The following TMEM243 variants were observed in gnomAD, a reference collection of about 807,000 sequenced individuals.
The protein encoded by TMEM243 is MDR1 and mitochondrial taxol resistance associated.
Under a neutral mutation model 15.0 loss-of-function variants are expected in TMEM243, and 20 were observed. That is an observed-to-expected ratio of 1.33 (90% CI 0.94 to 1.93). The LOEUF is 1.93. Among genes scored for constraint, TMEM243 ranks in the 30% most tolerant of loss-of-function variants. TMEM243 has a pLI of 0.00. For synonymous variants in TMEM243, 72 were observed against 52.7 expected, an observed-to-expected ratio of 1.37 and a Z score of -1.59; for missense variants, 156 against 142.1, an observed-to-expected ratio of 1.10 and a Z score of -0.50.
chr7:87,217,289 G>A (rs973765961), intron 1 of TMEM243, among the ~76,000 whole-genome samples: 2 of 152,136 alleles, frequency 1.3e-5, no homozygotes, highest in Admixed American at 6.5e-5. Flanking sequence ...GTCGTTTCCT[G>A]GCATGTAAAA....
At position 87,197,983 on chromosome 7, in the gene TMEM243, AAAG is replaced by A. The variant is rs1185572927; in HGVS notation, c.189_191del (p.Phe64del). On this transcript the variant is annotated inframe_deletion, in exon 3 of 4. Coordinates refer to ENST00000257637, the MANE Select transcript of TMEM243 (RefSeq NM_024315.4). ...TACTACTCAAAGAGATGCAGACAGC[AAAG>A]AATATATTCAACGGTTTTGGAGGTA... is the stretch of plus-strand genomic sequence containing the variant. The A allele has an allele frequency of 1.2e-6, 2 of 1,613,040 alleles. No individual in the cohort carries two copies. Among genetic ancestry groups the A allele is most frequent in the African/African-American group, 2.7e-5 (2 of 74,856 alleles).
chr7:87,205,500 A>T (rs535522317), intron 1 of TMEM243, among the ~76,000 whole-genome samples: 2 of 152,288 alleles, frequency 1.3e-5, no homozygotes, highest in South Asian at 4.1e-4. Flanking sequence ...CACCTCTTGA[A>T]TGCTTTGCTG....
chr7:87,208,789 A>G (rs1056957104), intron 1 of TMEM243, among the ~76,000 whole-genome samples: 1 of 152,262 alleles, frequency 6.6e-6, no homozygotes, highest in African/African-American at 2.4e-5. Context: ...CAGAGGCAAC[A>G]GCACATTTTT....
chr7:87,196,842 T>TGTCTC (rs1268182263), intron 3 of TMEM243, 84 bp from the exon 4 acceptor site: 3 of 961,814 alleles, frequency 3.1e-6, no homozygotes, highest in Non-Finnish European at 3.0e-6. Context: ...AGTATTTGTT[T>TGTCTC]ATTCCCCTAA....
chr7:87,202,467 C>T (rs1314320954), intron 1 of TMEM243, among the ~76,000 whole-genome samples: 1 of 152,136 alleles, frequency 6.6e-6, no homozygotes, highest in Non-Finnish European at 1.5e-5. Flanking sequence ...CTGGGCCTGA[C>T]GGATTCATGT....
upstream of TMEM243, among the ~76,000 whole-genome samples, chr7:87,219,910 C>G (rs977865726): frequency 6.6e-6 from 1 of 152,244 alleles, no homozygotes; most frequent in African/African-American, 2.4e-5. Flanking sequence ...CCCCTCGCCC[C>G]GGGAGAGACT....
At chr7:87,199,146 A>T (rs1801603341) in intron 1 of TMEM243, 89 bp from the exon 2 acceptor site, 3 of 1,070,778 alleles carry the variant, frequency 2.8e-6, no homozygotes, top group Non-Finnish European at 4.0e-6. Flanking sequence ...ATGGTTTACT[A>T]TAAAGAAACC....
Position 87,218,994 on chromosome 7 carries a change from G to C in TMEM243, c.78+432C>G, listed in dbSNP as rs143708610. On this transcript the variant is annotated intron_variant, in intron 1 of 3. Coordinates refer to ENST00000257637, the MANE Select transcript of TMEM243 (RefSeq NM_024315.4). ...CCTTTCCTTGCTTGGCTGCTTCACTGCTCAGCAATGAACCCTTATGAGTTC... is the reference window on the plus strand; with the variant it reads ...CCTTTCCTTGCTTGGCTGCTTCACTCCTCAGCAATGAACCCTTATGAGTTC... Among the ~76,000 whole-genome samples, 574 of 152,082 alleles carry C rather than the reference G, an allele frequency of 3.8e-3. 1 individual carries two copies. Among genetic ancestry groups the C allele is most frequent in the Non-Finnish European group, 7.0e-3 (475 of 67,964 alleles).
chr7:87,216,273 C>CA (rs3057445), intron 1 of TMEM243, among the ~76,000 whole-genome samples: 9 of 83,888 alleles, frequency 1.1e-4, no homozygotes, highest in Admixed American at 1.2e-4. Context: ...GACTCCGTCT[C>CA]AAAAAAAAAA....
chr7:87,207,097 A>G (rs1056928517), intron 1 of TMEM243, among the ~76,000 whole-genome samples: 1 of 152,230 alleles, frequency 6.6e-6, no homozygotes, highest in Admixed American at 6.5e-5. Context: ...GTTGTTCCCA[A>G]AGAAATATCA....
chr7:87,209,648 G>T (rs1225850153), intron 1 of TMEM243, among the ~76,000 whole-genome samples: 4 of 65,264 alleles, frequency 6.1e-5, no homozygotes, highest in Non-Finnish European at 1.1e-4. Context: ...GAGAGAGACA[G>T]TGAGAGACAG....
Position 87,197,733 on chromosome 7 carries a change from G to A in TMEM243, c.234+208C>T, listed in dbSNP as rs144669675. 7.1e-4 allele frequency: 590 copies of A among 827,736 alleles called. 2 individuals carry two copies. In the African/African-American group the frequency reaches 0.011, roughly 16 times the overall value. The allele number at this position is 827,736 out of a possible 1,614,324, so 51.3% of individuals were successfully genotyped here. ...TTTTTTTTTAAGCTATCAAGGGAGT[G>A]GAATTTCTCTTTGGGGTTACAACTT... On this transcript the variant is annotated intron_variant, in intron 3 of 3. Transcript: ENST00000257637.
intron 1 of TMEM243, among the ~76,000 whole-genome samples, chr7:87,217,961 G>A (rs982883544): frequency 2.0e-5 from 3 of 152,226 alleles, no homozygotes; most frequent in Non-Finnish European, 4.4e-5. Context: ...AGAGCTATGA[G>A]TTAAAAGAGG....
intron 1 of TMEM243, 34 bp downstream of exon 1, chr7:87,219,392 C>A: frequency 1.2e-6 from 2 of 1,606,334 alleles, no homozygotes; most frequent in Non-Finnish European, 1.7e-6. Context: ...AGACACACCC[C>A]CCATCCCAGT....
intron 1 of TMEM243, among the ~76,000 whole-genome samples, chr7:87,216,219 A>G (rs1803105604): frequency 6.8e-6 from 1 of 147,380 alleles, no homozygotes; most frequent in African/African-American, 2.5e-5. Flanking sequence ...GCTTGCAGTG[A>G]GCCGAGATTG....
Position 87,203,308 on chromosome 7 carries a change from A to G in TMEM243, c.79-4251T>C, listed in dbSNP as rs148454339. On this transcript the variant is annotated intron_variant, in intron 1 of 3. Transcript: ENST00000257637. ...TTGGGGAATGGTGGAATGGGGGGGA[A>G]AAAAAGCTAAAGAATCTACAAAGGC... is the stretch of plus-strand genomic sequence containing the variant. 8.0e-4 allele frequency among the ~76,000 whole-genome samples: 121 copies of G among 151,914 alleles called. 1 individual carries two copies. The highest frequency in any genetic ancestry group is 2.3e-3 in the African/African-American group (96 of 41,392).
chr7:87,209,883 C>CGTGAGAGACAGTGAGAGA (rs1313904895), intron 1 of TMEM243, among the ~76,000 whole-genome samples: 2 of 121,920 alleles, frequency 1.6e-5, no homozygotes, highest in African/African-American at 3.2e-5. Context: ...ACAGTGAGAG[C>CGTGAGAGACAGTGAGAGA]GTGAGAGACA....
At chr7:87,197,825 G>A (rs773526440) in intron 3 of TMEM243, 116 bp downstream of exon 3, 8 of 1,557,172 alleles carry the variant, frequency 5.1e-6, no homozygotes, top group Non-Finnish European at 6.9e-6. Context: ...TTAGGGGGAG[G>A]ATGAGGATAT....
At chr7:87,212,556 TA>T (rs1173271557) in intron 1 of TMEM243, among the ~76,000 whole-genome samples, 4 of 152,226 alleles carry the variant, frequency 2.6e-5, no homozygotes, top group Non-Finnish European at 5.9e-5. Context: ...AAGTTTTTTT[TA>T]ATACAATATT....
Sources: allele counts gnomAD v4.1 joint callset (sites outside exome capture counted in the v4.1 genomes callset), GRCh38; gene constraint gnomAD v4.1.1; transcripts MANE v1.5; gene names NCBI Gene and HGNC (gene_info 2026-07-23, HGNC 2026-07-21).